Variants in EXT1 observed in about 807,000 individuals in gnomAD.
EXT1 encodes exostosin-1.
A neutral mutation model predicts 82.5 loss-of-function variants in EXT1; 20 were observed. The observed-to-expected ratio is 0.24, with a 90% CI of 0.17 to 0.35. The LOEUF is 0.35. EXT1 is among the 10% of genes least tolerant of loss of function. The pLI is 1.00. For synonymous variants in EXT1, 348 were observed against 350.8 expected (o/e 0.99, Z 0.09); for missense variants, 757 against 936.5 (o/e 0.81, Z 2.50).
intron 3 of EXT1, among the ~76,000 whole-genome samples, chr8:117,832,565 G>T (rs1003996842): frequency 1.3e-5 from 2 of 151,876 alleles, no homozygotes; most frequent in African/African-American, 4.8e-5. Flanking sequence ...GCCTAAAGCT[G>T]TCATTGCTAT....
chr8:118,071,313 CTG>C (rs1817087962), intron 1 of EXT1, among the ~76,000 whole-genome samples: 2 of 152,290 alleles, frequency 1.3e-5, no homozygotes, highest in Non-Finnish European at 2.9e-5. Context: ...CTGCGTGACA[CTG>C]TATTAATATG....
chr8:117,871,096 T>C (rs1812862116), intron 1 of EXT1, among the ~76,000 whole-genome samples: 2 of 152,220 alleles, frequency 1.3e-5, no homozygotes, highest in African/African-American at 4.8e-5. Flanking sequence ...AATTTTCCTA[T>C]GCATTGCCTG....
At chr8:117,972,148 CAA>C (rs34241911) in intron 1 of EXT1, among the ~76,000 whole-genome samples, 22 of 107,354 alleles carry the variant, frequency 2.0e-4, no homozygotes, top group Admixed American at 2.8e-4. Flanking sequence ...AAAACTCCAA[CAA>C]AAAAAAAAAA....
chr8:118,082,485 T>C (rs1817350399), intron 1 of EXT1, among the ~76,000 whole-genome samples: 1 of 152,204 alleles, frequency 6.6e-6, no homozygotes, highest in Admixed American at 6.5e-5. Context: ...TCCAATAAGA[T>C]CTTTCTGTTC....
intron 1 of EXT1, among the ~76,000 whole-genome samples, chr8:118,026,077 G>A (rs148641403): frequency 1.6e-3 from 247 of 152,274 alleles, no homozygotes; most frequent in African/African-American, 5.7e-3. Flanking sequence ...TTGGCGACCA[G>A]TTACCCAGCG....
intron 1 of EXT1, among the ~76,000 whole-genome samples, chr8:118,031,901 TGA>T (rs1816327302): frequency 6.6e-6 from 1 of 151,994 alleles, no homozygotes; most frequent in Admixed American, 6.6e-5. Context: ...TTGGCTACGA[TGA>T]GACTGTTTAT....
chr8:117,984,378 G>A lies in EXT1; in HGVS notation c.962+125707C>T, dbSNP rs145949698. Among the ~76,000 whole-genome samples, 243 of 150,062 alleles carry A rather than the reference G, an allele frequency of 1.6e-3. 3 individuals are homozygous for A. The East Asian group carries it at 0.036, about 22-fold the overall frequency. On this transcript the variant is annotated intron_variant, in intron 1 of 10. Transcript: ENST00000378204. ...GGTGAGGTGGAGGCTGAAGTGAGCC[G>A]CAATCATGCCACTGCACTCCAGCCT...
At chr8:118,103,763 G>T (rs1329729538) in intron 1 of EXT1, among the ~76,000 whole-genome samples, 1 of 152,300 alleles carries the variant, frequency 6.6e-6, no homozygotes, top group Admixed American at 6.5e-5. Context: ...CCCTAGGAGA[G>T]AATTACAAGC....
At chr8:117,858,596 T>G (rs1812608440) in intron 1 of EXT1, among the ~76,000 whole-genome samples, 1 of 151,554 alleles carries the variant, frequency 6.6e-6, no homozygotes, top group Non-Finnish European at 1.5e-5. Flanking sequence ...GAGAATGGCT[T>G]GAACCTGGGA....
chr8:117,806,313 C>G (rs2095090975), intron 9 of EXT1, among the ~76,000 whole-genome samples: 1 of 152,208 alleles, frequency 6.6e-6, no homozygotes, highest in Non-Finnish European at 1.5e-5. Context: ...TCCCCTGTCA[C>G]TTAGAGAAAA....
rs1052157677 is a variant in EXT1, at chr8:118,110,908, G to C, written c.139C>G (p.His47Asp). The change falls in exon 1 of 11, where the codon CAC (histidine) becomes GAC (aspartate). Residue 47 changes from histidine to aspartate, a missense_variant. Transcript: ENST00000378204. ...REEHSGRNGLHHPSPDHFWPR... is the reference protein window; with the variant it reads ...REEHSGRNGLDHPSPDHFWPR... The stretch of plus-strand genomic sequence containing the variant: ...CAGAAATGATCCGGACTGGGGTGGT[G>C]CAAGCCATTCCTACCGCTGTGTTCT... 1.2e-6 allele frequency: 2 copies of C among 1,613,896 alleles called. No individual in the cohort carries two copies. Among genetic ancestry groups the C allele is most frequent in the Non-Finnish European group, 1.7e-6 (2 of 1,180,054 alleles).
chr8:118,088,914 C>G (rs757058534), intron 1 of EXT1, among the ~76,000 whole-genome samples: 1 of 152,148 alleles, frequency 6.6e-6, no homozygotes, highest in Non-Finnish European at 1.5e-5. Context: ...ATCCATACAC[C>G]TTTAACTAGT....
intron 1 of EXT1, among the ~76,000 whole-genome samples, chr8:118,030,792 TTC>T (rs1816297442): frequency 6.6e-6 from 1 of 152,164 alleles, no homozygotes. Flanking sequence ...AGTTAGAGGC[TTC>T]TTGAGGTCTT....
chr8:117,928,032 G>C (rs920460144), intron 1 of EXT1, among the ~76,000 whole-genome samples: 3 of 152,224 alleles, frequency 2.0e-5, no homozygotes, highest in African/African-American at 4.8e-5. Flanking sequence ...AGTTGAGATG[G>C]CAACTTCCTC....
chr8:117,811,332 T>C (rs1823319793), intron 8 of EXT1, among the ~76,000 whole-genome samples: 1 of 152,152 alleles, frequency 6.6e-6, no homozygotes, highest in African/African-American at 2.4e-5. Flanking sequence ...GTACCCTGTA[T>C]TCCATAGCTG....
At chr8:117,865,216 G>A (rs1404759595) in intron 1 of EXT1, among the ~76,000 whole-genome samples, 1 of 152,148 alleles carries the variant, frequency 6.6e-6, no homozygotes, top group Admixed American at 6.5e-5. Context: ...CGCTCAGGCT[G>A]GTGTACAGTG....
At position 118,110,803 on chromosome 8, in the gene EXT1, G is replaced by A. The variant is rs760030507; in HGVS notation, c.244C>T (p.Pro82Ser). The change falls in exon 1 of 11, where the codon CCC (proline) becomes TCC (serine). Residue 82 changes from proline to serine, a missense_variant. Pro to Ser is a moderately conservative substitution (Grantham distance 74). Coordinates refer to ENST00000378204, the MANE Select transcript of EXT1 (RefSeq NM_000127.3). The stretch of plus-strand genomic sequence containing the variant: ...GAGTTGGCATCTCGCTTCTGCCGGG[G>A]GGAAATGTGCACGCTGGAATCCTCG... ...ENEDSSVHIS[P>S]RQKRDANSSI... The A allele has an allele frequency of 1.4e-5, 23 of 1,613,396 alleles. No homozygotes were observed. Among genetic ancestry groups the A allele is most frequent in the Non-Finnish European group, 1.8e-5 (21 of 1,179,558 alleles).
chr8:117,828,763 T>C (rs1233518997), intron 4 of EXT1, among the ~76,000 whole-genome samples: 4 of 152,160 alleles, frequency 2.6e-5, no homozygotes, highest in Non-Finnish European at 5.9e-5. Flanking sequence ...TTCATGGGAA[T>C]GGGCCTGGGT....
At chr8:117,934,915 C>A (rs1388915523) in intron 1 of EXT1, among the ~76,000 whole-genome samples, 3 of 152,110 alleles carry the variant, frequency 2.0e-5, no homozygotes, top group Admixed American at 6.5e-5. Flanking sequence ...GCCCTTTCGC[C>A]CTGAATTGAT....
Sources: gnomAD v4.1 joint callset for allele counts (sites outside exome capture counted in the v4.1 genomes callset) on GRCh38, gnomAD v4.1.1 for gene constraint, MANE v1.5 for transcripts, NCBI Gene and HGNC (gene_info 2026-07-23, HGNC 2026-07-21) for gene names.